Variants in PELI1 observed in about 807,000 individuals in gnomAD.
PELI1 encodes pellino E3 ubiquitin protein ligase 1.
Under a neutral mutation model 41.3 loss-of-function variants are expected in PELI1, and 15 were observed. That is an observed-to-expected ratio of 0.36 (90% CI 0.24 to 0.56). The LOEUF (loss-of-function observed/expected upper bound fraction) is 0.56. PELI1 is among the 20% of genes least tolerant of loss of function. PELI1 has a pLI of 0.82. For missense variants in PELI1, 403 were observed against 525.5 expected, an observed-to-expected ratio of 0.77 and a Z score of 2.28; for synonymous variants, 178 against 180.1, an observed-to-expected ratio of 0.99 and a Z score of 0.09.
At chr2:64,114,135 A>AT (rs1680912481) in intron 1 of PELI1, among the ~76,000 whole-genome samples, 1 of 151,990 alleles carries the variant, frequency 6.6e-6, no homozygotes, top group South Asian at 2.1e-4. Context: ...ATGTTATAAC[A>AT]TTTTTTTATG....
chr2:64,129,401 T>A (rs1443510972), intron 1 of PELI1, among the ~76,000 whole-genome samples: 1 of 152,164 alleles, frequency 6.6e-6, no homozygotes, highest in South Asian at 2.1e-4. Flanking sequence ...TGACATTCAA[T>A]GAAAAAATAC....
chr2:64,111,148 A>G (rs1292193473), intron 1 of PELI1, among the ~76,000 whole-genome samples: 2 of 152,088 alleles, frequency 1.3e-5, no homozygotes, highest in East Asian at 1.9e-4. Context: ...AGCCCATAAA[A>G]GTCTCCTCAT....
At chr2:64,120,710 C>T (rs892209119) in intron 1 of PELI1, among the ~76,000 whole-genome samples, 1 of 152,190 alleles carries the variant, frequency 6.6e-6, no homozygotes, top group African/African-American at 2.4e-5. Context: ...TAAAACCTGA[C>T]TGGAGAGTCA....
At chr2:64,122,163 CAA>C (rs1281607543) in intron 1 of PELI1, among the ~76,000 whole-genome samples, 1 of 151,742 alleles carries the variant, frequency 6.6e-6, no homozygotes, top group Non-Finnish European at 1.5e-5. Flanking sequence ...TGGTGGGAAT[CAA>C]AGTTACCAAA....
At chr2:64,141,571 T>A (rs1233445046) in intron 1 of PELI1, among the ~76,000 whole-genome samples, 1 of 152,198 alleles carries the variant, frequency 6.6e-6, no homozygotes. Flanking sequence ...CCACGAAGCA[T>A]AATGACTATC....
At chr2:64,100,798 T>A (rs1445985239) in intron 3 of PELI1, among the ~76,000 whole-genome samples, 1 of 151,948 alleles carries the variant, frequency 6.6e-6, no homozygotes, top group Admixed American at 6.6e-5. Flanking sequence ...GCAATCTCGG[T>A]TCACTGCAAC....
chr2:64,096,329 G>C lies in PELI1; in HGVS notation c.502-16C>G. 6.2e-7 allele frequency: 1 copy of C among 1,609,436 alleles called. No individual in the cohort carries two copies. Among genetic ancestry groups the C allele is most frequent in the Admixed American group, 1.7e-5 (1 of 59,828 alleles). ...CAGCCTTCTCCTAGTAGAAATAATA[G>C]CAGTGAGCTTCCAACTTGTAACTTG... is the stretch of plus-strand genomic sequence containing the variant. On this transcript the variant is annotated splice_polypyrimidine_tract_variant and intron_variant, in intron 5 of 6. Transcript: ENST00000358912.
chr2:64,110,247 G>GAAAAAAAAAAAAAA (rs796716135), intron 1 of PELI1, among the ~76,000 whole-genome samples: 1 of 100,798 alleles, frequency 9.9e-6, no homozygotes, highest in Non-Finnish European at 2.1e-5. Flanking sequence ...TCCGTCTCAA[G>GAAAAAAAAAAAAAA]AAAAAAAAAA....
At chr2:64,120,871 G>A (rs2103716824) in intron 1 of PELI1, among the ~76,000 whole-genome samples, 1 of 152,272 alleles carries the variant, frequency 6.6e-6, no homozygotes. Flanking sequence ...CAGGACAATA[G>A]TTCTGGTTCA....
At chr2:64,130,958 C>T (rs577521677) in intron 1 of PELI1, among the ~76,000 whole-genome samples, 98 of 151,990 alleles carry the variant, frequency 6.4e-4, no homozygotes, top group Non-Finnish European at 1.3e-3. Flanking sequence ...ACTTATTTTC[C>T]TTTTTGGTAA....
chr2:64,117,667 A>T (rs1490500415), intron 1 of PELI1, among the ~76,000 whole-genome samples: 2 of 152,234 alleles, frequency 1.3e-5, no homozygotes, highest in Non-Finnish European at 2.9e-5. Flanking sequence ...AATAGAGAGA[A>T]ATCATTATTA....
In PELI1 at chr2:64,100,450, G is replaced by A. The variant is rs1467091584; in HGVS notation, c.251C>T (p.Ala84Val). 1.3e-6 allele frequency: 2 copies of A among 1,587,856 alleles called. No individual in the cohort carries two copies. The highest frequency in any genetic ancestry group is 1.7e-5 in the Admixed American group (1 of 59,940). ...QHSISYTLSR[A>V]QTVVVEYTHD... is the part of the protein sequence containing the mutation. ...AGTATATTCAACCACCACAGTCTGG[G>A]CCCGAGATAAAGTATATGATATGCT... The change falls in exon 4 of 7, where the codon GCC becomes GTC. Residue 84 changes from alanine (A) to valine (V), a missense_variant. By Grantham distance (64) the Ala-to-Val change is moderately conservative (BLOSUM62 0). Coordinates refer to ENST00000358912, the MANE Select transcript of PELI1 (RefSeq NM_020651.4).
At chr2:64,105,044 C>T (rs544338817) in intron 2 of PELI1, among the ~76,000 whole-genome samples, 56 of 152,192 alleles carry the variant, frequency 3.7e-4, no homozygotes, top group Non-Finnish European at 7.1e-4. Flanking sequence ...TTCCAAGTCA[C>T]AGAGAACCTT....
chr2:64,132,173 C>T (rs566841408), intron 1 of PELI1, among the ~76,000 whole-genome samples: 3 of 152,256 alleles, frequency 2.0e-5, no homozygotes, highest in East Asian at 3.9e-4. Flanking sequence ...TGAGTACCTA[C>T]TTTATGCTTG....
intron 1 of PELI1, among the ~76,000 whole-genome samples, chr2:64,112,323 A>T (rs1021990900): frequency 6.6e-6 from 1 of 152,192 alleles, no homozygotes; most frequent in Admixed American, 6.5e-5. Context: ...GAATAAAGGG[A>T]ATTTGGGAGC....
At chr2:64,128,191 A>T (rs1219810348) in intron 1 of PELI1, among the ~76,000 whole-genome samples, 1 of 152,156 alleles carries the variant, frequency 6.6e-6, no homozygotes, top group South Asian at 2.1e-4. Context: ...TTGCACCCTG[A>T]TATTTCTAAA....
chr2:64,103,086 G>A (rs1190087075), intron 3 of PELI1, among the ~76,000 whole-genome samples: 3 of 151,862 alleles, frequency 2.0e-5, no homozygotes, highest in Non-Finnish European at 4.4e-5. Flanking sequence ...CAAGTGATCC[G>A]CCCACCTTGG....
At chr2:64,125,101 G>A (rs1023050710) in intron 1 of PELI1, among the ~76,000 whole-genome samples, 14 of 151,718 alleles carry the variant, frequency 9.2e-5, no homozygotes, top group South Asian at 4.2e-4. Context: ...GCGGGGGCGC[G>A]GGGAGGGTAG....
intron 1 of PELI1, among the ~76,000 whole-genome samples, chr2:64,125,539 G>C (rs1206514614): frequency 6.6e-6 from 1 of 152,110 alleles, no homozygotes; most frequent in Non-Finnish European, 1.5e-5. Context: ...ATCCCTCTGA[G>C]GACAAAGACA....
Sources: allele counts gnomAD v4.1 joint callset (sites outside exome capture counted in the v4.1 genomes callset), GRCh38; gene constraint gnomAD v4.1.1; transcripts MANE v1.5; gene names NCBI Gene and HGNC (gene_info 2026-07-23, HGNC 2026-07-21).